Variants in PHYH observed in about 807,000 individuals in gnomAD.
The protein encoded by PHYH is phytanoyl-CoA 2-hydroxylase.
Under a neutral mutation model 38.5 loss-of-function variants are expected in PHYH, and 32 were observed. The ratio of observed to expected loss-of-function variants is 0.83; its 90% CI spans 0.63 to 1.12. The LOEUF is 1.12. Ranked by LOEUF, PHYH falls within the 50% of genes most tolerant of loss-of-function variation. PHYH has a pLI of 0.00. For missense variants in PHYH, 426 were observed against 434.8 expected, an observed-to-expected ratio of 0.98 and a Z score of 0.18; for synonymous variants, 166 against 157.9, an observed-to-expected ratio of 1.05 and a Z score of -0.38.
At chr10:13,295,917 C>T (rs937657659) in intron 2 of PHYH, among the ~76,000 whole-genome samples, 1 of 151,834 alleles carries the variant, frequency 6.6e-6, no homozygotes, top group Non-Finnish European at 1.5e-5. Flanking sequence ...CCTATAATCC[C>T]AGCACTTTGG....
chr10:13,278,057 T>C lies in PHYH; in HGVS notation c.*244A>G, dbSNP rs1444269653. 1.0e-5 allele frequency: 5 copies of C among 489,558 alleles called. No individual in the cohort carries two copies. In the Admixed American group the frequency reaches 1.7e-4, roughly 16 times the overall value. The allele number at this position is 489,558 out of a possible 1,614,324, so 30.3% of individuals were successfully genotyped here. On this transcript the variant is annotated 3_prime_UTR_variant, in exon 9 of 9. Transcript: ENST00000263038. Reference sequence around the variant, plus strand: ...TTAAATTAGACACCAACCACCTTTATTGGCTGCCACCCTAAATTAGTTTTC... The same window carrying C: ...TTAAATTAGACACCAACCACCTTTACTGGCTGCCACCCTAAATTAGTTTTC...
At chr10:13,278,435 AAATT>A (rs1270791857) in intron 8 of PHYH, 81 bp from the exon 9 acceptor site, 1 of 944,884 alleles carries the variant, frequency 1.1e-6, no homozygotes, top group Non-Finnish European at 1.7e-6. Flanking sequence ...CCATAACACA[AAATT>A]GATTTCTAGC....
chr10:13,280,238 ATT>A (rs2131629544), intron 8 of PHYH, among the ~76,000 whole-genome samples: 1 of 152,302 alleles, frequency 6.6e-6, no homozygotes, highest in Non-Finnish European at 1.5e-5. Flanking sequence ...AAGTGCTGGG[ATT>A]ACAGGCGTGA....
chr10:13,290,576 T>C (rs1232710081), intron 5 of PHYH, among the ~76,000 whole-genome samples: 1 of 152,118 alleles, frequency 6.6e-6, no homozygotes, highest in Non-Finnish European at 1.5e-5. Context: ...CACAGAGGAA[T>C]TTCCCAGTGT....
chr10:13,291,507 G>T, intron 5 of PHYH: 1 of 338,226 alleles, frequency 3.0e-6, no homozygotes, highest in Non-Finnish European at 5.5e-6. Context: ...TGTAGAGATA[G>T]GGTCTCACTG....
Position 13,288,449 on chromosome 10 carries a change from C to G in PHYH, c.589G>C (p.Glu197Gln). 6 of 1,614,194 alleles carry G rather than the reference C, an allele frequency of 3.7e-6. No homozygotes were observed. The highest frequency in any genetic ancestry group is 5.1e-6 in the Non-Finnish European group (6 of 1,180,028). The change falls in exon 6 of 9, where the codon GAG becomes CAG. Residue 197 changes from glutamate to glutamine, a missense_variant. Physicochemically the swap from Glu to Gln is conservative, Grantham distance 29. Transcript: ENST00000263038. ...DLIVCAWTAM[E>Q]HISRNNGCLV... ...CAGCCGTTGTTCCGGCTGATGTGCT[C>G]CATCGCCGTCCAGGCGCAAACGATG...
rs104894179 is a variant in PHYH, at chr10:13,283,713, T to G, written c.805A>C (p.Asn269His). 2.5e-6 allele frequency: 4 copies of G among 1,614,178 alleles called. No homozygotes were observed. Among genetic ancestry groups the G allele is most frequent in the Non-Finnish European group, 3.4e-6 (4 of 1,180,026 alleles). The change falls in exon 7 of 9, where the codon AAT (asparagine) becomes CAT (histidine). Residue 269 changes from asparagine (N) to histidine (H), a missense_variant. Asn to His is a moderately conservative substitution (Grantham distance 68). Coordinates refer to ENST00000263038, the MANE Select transcript of PHYH (RefSeq NM_006214.4). ...ACCTTCCGGAATCCCTGGGTTTTAT[T>G]CTGACCAGATCCGTGGATGAGCAAA... ...HPLLIHGSGQNKTQGFRKAIS... is the reference protein window; with the variant it reads ...HPLLIHGSGQHKTQGFRKAIS...
At position 13,281,231 on chromosome 10, in the gene PHYH, A is replaced by G. The variant is rs1468476722; in HGVS notation, c.829-121T>C. The G allele has an allele frequency of 1.7e-5, 17 of 997,344 alleles. No individual in the cohort carries two copies. In the African/African-American group the frequency reaches 2.6e-4, roughly 15 times the overall value. 61.8% of individuals were successfully genotyped at this position (997,344 alleles called of 1,614,324 possible). A position where few individuals can be genotyped will look rare whatever the true frequency, so the allele number is the denominator to read the frequency against. ...CTCAGTATTTGATTTCTAAGTGGAAAGTCAGGTCCATTGCATCCTGTGTCA... is the reference window on the plus strand; with the variant it reads ...CTCAGTATTTGATTTCTAAGTGGAAGGTCAGGTCCATTGCATCCTGTGTCA... On this transcript the variant is annotated intron_variant, in intron 7 of 8. Transcript: ENST00000263038.
In PHYH at chr10:13,288,472, A is replaced by G; in HGVS notation, c.566T>C (p.Ile189Thr). 6.2e-7 allele frequency: 1 copy of G among 1,614,198 alleles called. No homozygotes were observed. Among genetic ancestry groups the G allele is most frequent in the South Asian group, 1.1e-5 (1 of 91,088 alleles). Residue 189 changes from isoleucine (I) to threonine (T), a missense_variant, in exon 6 of 9, where the codon ATC becomes ACC. Ile to Thr is a moderately conservative substitution (Grantham distance 89). Transcript: ENST00000263038. ...CTCCATCGCCGTCCAGGCGCAAACGATGAGATCGCTGGGCCTGAAGGGGAA... is the reference window on the plus strand; with the variant it reads ...CTCCATCGCCGTCCAGGCGCAAACGGTGAGATCGCTGGGCCTGAAGGGGAA... ...HYFPFRPSDL[I>T]VCAWTAMEHI... is the part of the protein sequence containing the mutation.
chr10:13,298,922 A>AATAATAAT (rs758425959), intron 1 of PHYH, among the ~76,000 whole-genome samples: 2 of 58,044 alleles, frequency 3.4e-5, no homozygotes, highest in African/African-American at 9.1e-5. Flanking sequence ...TCCGTCTCAA[A>AATAATAAT]AATAATAATA....
Position 13,281,058 on chromosome 10 carries a change from C to A in PHYH, c.881G>T (p.Gly294Val). The A allele has an allele frequency of 2.5e-6, 4 of 1,613,980 alleles. No homozygotes were observed. Among genetic ancestry groups the A allele is most frequent in the Non-Finnish European group, 3.4e-6 (4 of 1,179,850 alleles). ...SADCHYIDVK[G>V]TSQENIEKEV... ...CTTCTCGATGTTTTCTTGACTGGTG[C>A]CCTTCACGTCAATGTAGTGGCAATC... Residue 294 changes from glycine (G) to valine (V), a missense_variant, in exon 8 of 9, where the codon GGC becomes GTC. By Grantham distance (109) the Gly-to-Val change is moderately radical. Transcript: ENST00000263038.
chr10:13,283,131 A>ATT lies in PHYH; in HGVS notation c.828+557_828+558dup, dbSNP rs398012850. ...CCACTGCACCTGGCTTTCATAATCAATTTTTTTTTTTTTTTTTGAGACGGA... is the reference window on the plus strand; with the variant it reads ...CCACTGCACCTGGCTTTCATAATCAATTTTTTTTTTTTTTTTTTTGAGACGGA... On this transcript the variant is annotated intron_variant, in intron 7 of 8. Coordinates refer to ENST00000263038, the MANE Select transcript of PHYH (RefSeq NM_006214.4). Among the ~76,000 whole-genome samples, 165 of 117,894 alleles carry ATT rather than the reference A, an allele frequency of 1.4e-3. 4 individuals carry two copies. The highest frequency in any genetic ancestry group is 2.6e-3 in the Admixed American group (28 of 10,926). 77.3% of individuals were successfully genotyped at this position (117,894 alleles called of 152,430 possible). A position where few individuals can be genotyped will look rare whatever the true frequency, so the allele number is the denominator to read the frequency against.
In PHYH at chr10:13,285,428, C is replaced by G. The variant is rs980511179; in HGVS notation, c.679-1589G>C. Reference sequence around the variant, plus strand: ...CAAACTCCTGACCTCAAGTGATCCACCCGCCACGGCCTCCCAAAGTGTTAA... The same window carrying G: ...CAAACTCCTGACCTCAAGTGATCCAGCCGCCACGGCCTCCCAAAGTGTTAA... On this transcript the variant is annotated intron_variant, in intron 6 of 8. Coordinates refer to ENST00000263038, the MANE Select transcript of PHYH (RefSeq NM_006214.4). Among the ~76,000 whole-genome samples the G allele has an allele frequency of 3.3e-5, 5 of 152,212 alleles. No homozygotes were observed. The South Asian group carries it at 1.0e-3, about 32-fold the overall frequency.
At chr10:13,295,380 C>G in intron 3 of PHYH, 116 bp downstream of exon 3, 1 of 709,054 alleles carries the variant, frequency 1.4e-6, no homozygotes, top group Admixed American at 2.1e-5. Context: ...CTAAACACTT[C>G]CCAACAAACC....
chr10:13,288,482 T>TG lies in PHYH; in HGVS notation c.555dup (p.Ser186GlnfsTer45). 1 of 1,614,184 alleles carries TG rather than the reference T, an allele frequency of 6.2e-7. No individual in the cohort carries two copies. Among genetic ancestry groups the TG allele is most frequent in the Non-Finnish European group, 8.5e-7 (1 of 1,180,022 alleles). ...GTCCAGGCGCAAACGATGAGATCGC[T>TG]GGGCCTGAAGGGGAAATAGTGCAGG... is the stretch of plus-strand genomic sequence containing the variant. On this transcript the variant is annotated frameshift_variant, in exon 6 of 9. Coordinates refer to ENST00000263038, the MANE Select transcript of PHYH (RefSeq NM_006214.4). LOFTEE classifies it high-confidence loss of function.
chr10:13,278,159 T>C lies in PHYH; in HGVS notation c.*142A>G, dbSNP rs981019489. 1.0e-5 allele frequency: 7 copies of C among 695,818 alleles called. No homozygotes were observed. Among genetic ancestry groups the C allele is most frequent in the Non-Finnish European group, 1.9e-5 (7 of 376,520 alleles). 43.1% of individuals were successfully genotyped at this position (695,818 alleles called of 1,614,324 possible). ...CACCATTGTGCTGCAAAACTAACTC[T>C]ATGCAATTAAGTACCTGATACATGT... On this transcript the variant is annotated 3_prime_UTR_variant, in exon 9 of 9. Coordinates refer to ENST00000263038, the MANE Select transcript of PHYH (RefSeq NM_006214.4).
Position 13,283,695 on chromosome 10 carries a change from G to A in PHYH, c.823C>T (p.Arg275Trp), listed in dbSNP as rs104894178. 8.1e-5 allele frequency: 130 copies of A among 1,613,918 alleles called. No homozygotes were observed. Among genetic ancestry groups the A allele is most frequent in the African/African-American group, 4.0e-5 (3 of 74,858 alleles). The stretch of plus-strand genomic sequence containing the variant: ...GCAGCAATGTGAATGCTTACCTTCC[G>A]GAATCCCTGGGTTTTATTCTGACCA... ...GSGQNKTQGF[R>W]KAISCHFASA... is the part of the protein sequence containing the mutation. The change falls in exon 7 of 9, where the codon CGG becomes TGG. Residue 275 changes from arginine to tryptophan, a missense_variant. Coordinates refer to ENST00000263038, the MANE Select transcript of PHYH (RefSeq NM_006214.4).
intron 6 of PHYH, among the ~76,000 whole-genome samples, chr10:13,285,040 C>G (rs2131636458): frequency 6.6e-6 from 1 of 152,312 alleles, no homozygotes; most frequent in South Asian, 2.1e-4. Context: ...AGCCAAAGCC[C>G]ACTGCAGTTG....
rs772592954 is a variant in PHYH at position 13,291,896 on chromosome 10, T to C, written c.431A>G (p.Glu144Gly). ...CTLPEILKYV[E>G]CFTGPNIMAM... is the part of the protein sequence containing the mutation. ...CATAATATTAGGTCCAGTGAAGCACTCCACATATTTCAGAATCTAAGAAAG... is the reference window on the plus strand; with the variant it reads ...CATAATATTAGGTCCAGTGAAGCACCCCACATATTTCAGAATCTAAGAAAG... Residue 144 changes from glutamate (E) to glycine (G), a missense_variant, in exon 5 of 9, where the codon GAG (glutamate) becomes GGG (glycine). Glu to Gly is a moderately conservative substitution (Grantham distance 98). Transcript: ENST00000263038. 3.1e-6 allele frequency: 5 copies of C among 1,605,482 alleles called. No homozygotes were observed. Among genetic ancestry groups the C allele is most frequent in the Non-Finnish European group, 4.3e-6 (5 of 1,174,040 alleles).
Sources: allele counts gnomAD v4.1 joint callset (sites outside exome capture counted in the v4.1 genomes callset), GRCh38; gene constraint gnomAD v4.1.1; transcripts MANE v1.5; gene names NCBI Gene and HGNC (gene_info 2026-07-23, HGNC 2026-07-21).